The following ANKRD28 variants were observed in gnomAD, a reference collection of about 807,000 sequenced individuals.
ANKRD28 encodes the protein serine/threonine-protein phosphatase 6 regulatory ankyrin repeat subunit A.
In ANKRD28, 44 loss-of-function variants were observed where a neutral mutation model predicts 126.5. The ratio of observed to expected loss-of-function variants is 0.35; its 90% CI spans 0.27 to 0.45. ANKRD28 has a LOEUF of 0.45. Ranked by LOEUF, ANKRD28 falls within the 20% of genes least tolerant of loss-of-function variation. ANKRD28 has a pLI of 1.00. For missense variants in ANKRD28, 1,110 were observed against 1,316.6 expected (o/e 0.84, Z 2.43); for synonymous variants, 442 against 468.5 (o/e 0.94, Z 0.73).
chr3:15,852,831 T>TAA (rs2061682235), intron 1 of ANKRD28, among the ~76,000 whole-genome samples: 1 of 26,068 alleles, frequency 3.8e-5, no homozygotes, highest in Admixed American at 6.7e-4. Flanking sequence ...AGACTCTGTC[T>TAA]CAAAAAAAAA....
chr3:15,730,086 G>A (rs905421392), intron 6 of ANKRD28, among the ~76,000 whole-genome samples: 3 of 151,908 alleles, frequency 2.0e-5, no homozygotes, highest in Admixed American at 6.6e-5. Context: ...TCAACTCCTG[G>A]GCTCAAGGAT....
At chr3:15,693,690 T>C (rs1270700630) in intron 17 of ANKRD28, among the ~76,000 whole-genome samples, 1 of 152,172 alleles carries the variant, frequency 6.6e-6, no homozygotes, top group African/African-American at 2.4e-5. Flanking sequence ...CCATGCTGGC[T>C]TTGCCTTTTC....
intron 1 of ANKRD28, among the ~76,000 whole-genome samples, chr3:15,821,880 CT>C (rs1391762654): frequency 6.6e-6 from 1 of 152,142 alleles, no homozygotes; most frequent in Non-Finnish European, 1.5e-5. Context: ...AAGGGCTTGT[CT>C]TTGTTCCACC....
rs1056074109 is a variant in ANKRD28 at position 15,737,039 on chromosome 3, A to C, written c.546T>G (p.His182Gln). The change falls in exon 5 of 28, where the codon CAT (histidine) becomes CAG (glutamine). Residue 182 changes from histidine (H) to glutamine (Q), a missense_variant. His to Gln is a conservative substitution (Grantham distance 24). Transcript: ENST00000683139. Reference sequence around the variant, plus strand: ...CTAATTGAATGCCACCTACCTCACCATGTCCACTGAAAGCTGCATGATGTA... The same window carrying C: ...CTAATTGAATGCCACCTACCTCACCCTGTCCACTGAAAGCTGCATGATGTA... ...TALHHAAFSG[H>Q]GEMVKLLLSR... 6.2e-7 allele frequency: 1 copy of C among 1,613,848 alleles called. No homozygotes were observed. The highest frequency in any genetic ancestry group is 8.5e-7 in the Non-Finnish European group (1 of 1,179,874).
chr3:15,668,804 A>G lies in ANKRD28; in HGVS notation c.*1466T>C, dbSNP rs548521100. The G allele has an allele frequency of 2.0e-5, 3 of 152,766 alleles. No individual in the cohort carries two copies. The East Asian group carries it at 5.8e-4, about 29-fold the overall frequency. 9.5% of individuals were successfully genotyped at this position (152,766 alleles called of 1,614,324 possible). A position where few individuals can be genotyped will look rare whatever the true frequency, so the allele number is the denominator to read the frequency against. On this transcript the variant is annotated 3_prime_UTR_variant, in exon 28 of 28. Coordinates refer to ENST00000683139, the MANE Select transcript of ANKRD28 (RefSeq NM_001349278.2). ...TTCACACTTTATATTCAGAAAAACC[A>G]GCTGATAATTTACAATGTCATAAAG...
intron 6 of ANKRD28, among the ~76,000 whole-genome samples, chr3:15,728,523 G>A (rs2074354856): frequency 6.6e-6 from 1 of 152,156 alleles, no homozygotes; most frequent in African/African-American, 2.4e-5. Context: ...TTGAACTCCT[G>A]GCCTGAAGCA....
intron 6 of ANKRD28, 151 bp downstream of exon 6, chr3:15,735,259 T>A (rs1030567652): frequency 7.3e-6 from 4 of 550,344 alleles, no homozygotes; most frequent in Non-Finnish European, 1.2e-5. Flanking sequence ...ACCTCCCCCA[T>A]TACCAGGGTT....
upstream of ANKRD28, among the ~76,000 whole-genome samples, chr3:15,801,284 G>A (rs1351618289): frequency 6.6e-6 from 1 of 152,090 alleles, no homozygotes; most frequent in Admixed American, 6.6e-5. The surrounding 1 kb of genome is among the most constrained non-coding windows in gnomAD (Gnocchi z 4.9). Context: ...TAAGTCACTG[G>A]AAGATAATTT....
chr3:15,739,994 C>T (rs2075327346), intron 4 of ANKRD28, among the ~76,000 whole-genome samples: 1 of 152,132 alleles, frequency 6.6e-6, no homozygotes, highest in African/African-American at 2.4e-5. Context: ...CCACCAAAAA[C>T]CAGAAATGCA....
chr3:15,700,687 T>C (rs908261353), intron 14 of ANKRD28, among the ~76,000 whole-genome samples: 5 of 152,060 alleles, frequency 3.3e-5, no homozygotes, highest in Admixed American at 2.0e-4. Flanking sequence ...GGCAGGAGAA[T>C]TGCTTGAACT....
intron 7 of ANKRD28, among the ~76,000 whole-genome samples, chr3:15,722,434 G>A (rs1187105057): frequency 1.3e-5 from 2 of 152,168 alleles, no homozygotes; most frequent in African/African-American, 4.8e-5. Flanking sequence ...GAATACTCCT[G>A]CACTCTATCC....
chr3:15,758,805 C>A lies in ANKRD28; in HGVS notation c.281-6985G>T, dbSNP rs982188138. On this transcript the variant is annotated intron_variant, in intron 3 of 27. Transcript: ENST00000683139. ...GCCCCACCAAACTAATGTACCAGCA[C>A]TGAAGTAAAAAGAAGAGACACATAC... is the stretch of plus-strand genomic sequence containing the variant. 8.5e-5 allele frequency among the ~76,000 whole-genome samples: 13 copies of A among 152,160 alleles called. 1 individual carries two copies. Among genetic ancestry groups the A allele is most frequent in the Admixed American group, 7.9e-4 (12 of 15,270 alleles).
chr3:15,810,480 T>C (rs180843949), intron 1 of ANKRD28, among the ~76,000 whole-genome samples: 10 of 151,080 alleles, frequency 6.6e-5, no homozygotes, highest in Non-Finnish European at 1.2e-4. Flanking sequence ...AAATACAGTA[T>C]ATATCACACA....
intron 1 of ANKRD28, among the ~76,000 whole-genome samples, chr3:15,852,832 CAAA>C (rs71064237): frequency 1.6e-5 from 1 of 64,008 alleles, no homozygotes; most frequent in South Asian, 8.1e-4. Context: ...GACTCTGTCT[CAAA>C]AAAAAAAAAA....
chr3:15,678,577 T>C (rs929827209), intron 23 of ANKRD28, among the ~76,000 whole-genome samples: 2 of 152,166 alleles, frequency 1.3e-5, no homozygotes, highest in African/African-American at 4.8e-5. Context: ...AGAACTAGTA[T>C]GAAGTAAAGA....
chr3:15,763,671 C>T (rs1242606732), intron 3 of ANKRD28, among the ~76,000 whole-genome samples: 2 of 152,048 alleles, frequency 1.3e-5, no homozygotes, highest in Non-Finnish European at 2.9e-5. Context: ...AGGTTTAAGG[C>T]TAAGGAAACA....
chr3:15,761,361 T>C lies in ANKRD28; in HGVS notation c.280+4873A>G, dbSNP rs529894722. Among the ~76,000 whole-genome samples the C allele has an allele frequency of 7.2e-5, 11 of 152,332 alleles. No individual in the cohort carries two copies. The South Asian group carries it at 8.3e-4, about 11-fold the overall frequency. Reference sequence around the variant, plus strand: ...ATTTTGTTGCCTATATTTCTCTTCATGTATTTTTTTCTCATCTTTACCTAG... The same window carrying C: ...ATTTTGTTGCCTATATTTCTCTTCACGTATTTTTTTCTCATCTTTACCTAG... On this transcript the variant is annotated intron_variant, in intron 3 of 27. Coordinates refer to ENST00000683139, the MANE Select transcript of ANKRD28 (RefSeq NM_001349278.2).
chr3:15,784,961 AG>A (rs1297585966), intron 2 of ANKRD28, among the ~76,000 whole-genome samples: 2 of 152,112 alleles, frequency 1.3e-5, no homozygotes, highest in African/African-American at 2.4e-5. Context: ...GGAAAGACTC[AG>A]AGGGGTAAAT....
In ANKRD28 at chr3:15,796,919, AAT is replaced by A; in HGVS notation, c.-400_-399del. On this transcript the variant is annotated 5_prime_UTR_variant, in exon 1 of 28. The change abolishes the stop of an existing upstream ORF in the 5' untranslated region. Transcript: ENST00000683139. Reference sequence around the variant, plus strand: ...TGTTTTTGGTGACACAACACCACACAATATAGAATGAAATGAGAAACAACTGC... The same window carrying A: ...TGTTTTTGGTGACACAACACCACACAATAGAATGAAATGAGAAACAACTGC... 6.1e-6 allele frequency: 6 copies of A among 986,092 alleles called. No homozygotes were observed. Among genetic ancestry groups the A allele is most frequent in the Non-Finnish European group, 7.2e-6 (6 of 830,384 alleles). The allele number at this position is 986,092 out of a possible 1,614,324, so 61.1% of individuals were successfully genotyped here.
Sources: allele counts gnomAD v4.1 joint callset (sites outside exome capture counted in the v4.1 genomes callset), GRCh38; gene constraint gnomAD v4.1.1; non-coding constraint Gnocchi (gnomAD v3.1); transcripts MANE v1.5; gene names NCBI Gene and HGNC (gene_info 2026-07-23, HGNC 2026-07-21).